ANO3: variants seen among roughly 807,000 people sequenced by gnomAD.
ANO3 encodes anoctamin-3.
ANO3 carries 99 observed loss-of-function variants against 144.8 expected under a neutral mutation model. The observed-to-expected ratio is 0.68, with a 90% CI of 0.58 to 0.81. ANO3 has a LOEUF of 0.81. Among genes scored for constraint, ANO3 ranks in the 30% least tolerant of loss-of-function variants. The pLI is 0.00. For missense variants in ANO3, 905 were observed against 1,202.2 expected (o/e 0.75, Z 3.66); for synonymous variants, 414 against 392.6 (o/e 1.05, Z -0.64).
At chr11:26,422,280 T>A (rs1857774787) in intron 1 of ANO3, among the ~76,000 whole-genome samples, 1 of 151,946 alleles carries the variant, frequency 6.6e-6, no homozygotes, top group South Asian at 2.1e-4. Context: ...CTCTTTGAAG[T>A]TTTCTAAGGA....
intron 1 of ANO3, among the ~76,000 whole-genome samples, chr11:26,403,996 T>A (rs991771669): frequency 1.3e-5 from 2 of 151,846 alleles, no homozygotes; most frequent in African/African-American, 4.8e-5. Context: ...GTACCATTCA[T>A]TATTCTTTGG....
intron 1 of ANO3, among the ~76,000 whole-genome samples, chr11:26,252,983 C>A (rs181303154): frequency 6.6e-6 from 1 of 152,044 alleles, no homozygotes; most frequent in Non-Finnish European, 1.5e-5. Context: ...AATTGAAAGC[C>A]AAATCACACA....
intron 5 of ANO3, among the ~76,000 whole-genome samples, chr11:26,516,081 G>A (rs895625801): frequency 2.4e-4 from 36 of 151,718 alleles, no homozygotes; most frequent in African/African-American, 8.2e-4. Context: ...ATTCAAAAGG[G>A]TATCAGATTC....
chr11:26,377,916 T>C (rs754684778), intron 1 of ANO3, among the ~76,000 whole-genome samples: 2 of 152,130 alleles, frequency 1.3e-5, no homozygotes, highest in Non-Finnish European at 2.9e-5. Flanking sequence ...ATTGCATACT[T>C]TGTGAAACAG....
intron 6 of ANO3, among the ~76,000 whole-genome samples, chr11:26,517,736 C>T (rs1233079988): frequency 6.6e-6 from 1 of 151,972 alleles, no homozygotes; most frequent in East Asian, 1.9e-4. Context: ...GGAGAAATTT[C>T]TCAGACCTGC....
At chr11:26,373,265 C>G (rs146909937) in intron 1 of ANO3, among the ~76,000 whole-genome samples, 14 of 152,168 alleles carry the variant, frequency 9.2e-5, no homozygotes, top group African/African-American at 2.9e-4. Context: ...AGGGAGGAAC[C>G]CTGTGGGAGG....
At chr11:26,301,300 TGCCTATTTATA>T (rs780782992) in intron 1 of ANO3, among the ~76,000 whole-genome samples, 14 of 152,232 alleles carry the variant, frequency 9.2e-5, no homozygotes, top group Non-Finnish European at 1.3e-4. Context: ...ATTCTGACAT[TGCCTATTTATA>T]GCCTTGGTTA....
chr11:26,547,040 C>T (rs1849807035), intron 11 of ANO3, among the ~76,000 whole-genome samples: 1 of 151,600 alleles, frequency 6.6e-6, no homozygotes, highest in South Asian at 2.1e-4. Context: ...CTCTCAGCAC[C>T]CACCCAGAGG....
intron 14 of ANO3, among the ~76,000 whole-genome samples, chr11:26,582,654 A>C (rs1291478438): frequency 6.6e-6 from 1 of 152,212 alleles, no homozygotes; most frequent in Non-Finnish European, 1.5e-5. Context: ...TTGGATAGAA[A>C]TACTCAAATT....
intron 14 of ANO3, among the ~76,000 whole-genome samples, chr11:26,575,245 A>T (rs1348568598): frequency 1.3e-5 from 2 of 151,964 alleles, no homozygotes; most frequent in African/African-American, 4.8e-5. Context: ...TATTCATTAA[A>T]ATTTAAAATT....
chr11:26,522,777 A>G (rs1862133086), intron 6 of ANO3, among the ~76,000 whole-genome samples: 1 of 152,224 alleles, frequency 6.6e-6, no homozygotes, highest in African/African-American at 2.4e-5. Flanking sequence ...GAAAAGGAAG[A>G]AAACCATTTC....
intron 1 of ANO3, among the ~76,000 whole-genome samples, chr11:26,284,508 A>C (rs1853755363): frequency 6.6e-6 from 1 of 152,180 alleles, no homozygotes; most frequent in African/African-American, 2.4e-5. Context: ...ATGTATATGA[A>C]ATCAGAGAAT....
intron 4 of ANO3, among the ~76,000 whole-genome samples, chr11:26,480,729 A>T (rs1590399534): frequency 6.6e-6 from 1 of 152,094 alleles, no homozygotes; most frequent in Admixed American, 6.5e-5. Context: ...CATCAATTGA[A>T]CCCAGGAGGT....
At chr11:26,258,092 A>G (rs1277448417) in intron 1 of ANO3, among the ~76,000 whole-genome samples, 1 of 152,120 alleles carries the variant, frequency 6.6e-6, no homozygotes, top group East Asian at 1.9e-4. Flanking sequence ...ATAACACAAT[A>G]TTTTCAAGGA....
At chr11:26,428,241 A>C (rs1857976608) in intron 1 of ANO3, among the ~76,000 whole-genome samples, 1 of 152,214 alleles carries the variant, frequency 6.6e-6, no homozygotes, top group Non-Finnish European at 1.5e-5. Context: ...CAGAATTAAC[A>C]CTTAACAAGA....
rs1853722376 is a variant in ANO3 at position 26,283,321 on chromosome 11, A to AT, written c.155-26324_155-26323insT. Among the ~76,000 whole-genome samples the AT allele has an allele frequency of 6.2e-3, 301 of 48,884 alleles. 3 individuals are homozygous for AT. Among genetic ancestry groups the AT allele is most frequent in the Non-Finnish European group, 9.4e-3 (230 of 24,564 alleles). 32.1% of individuals were successfully genotyped at this position (48,884 alleles called of 152,430 possible). ...TCTTACCAAAATAAACAAATAAATA[A>AT]ATATATATATATATATATATATATA... On this transcript the variant is annotated intron_variant, in intron 1 of 27. Transcript: ENST00000672621.
At chr11:26,275,135 C>T (rs1055398605) in intron 1 of ANO3, among the ~76,000 whole-genome samples, 1 of 151,792 alleles carries the variant, frequency 6.6e-6, no homozygotes, top group Non-Finnish European at 1.5e-5. Flanking sequence ...GTTTTTATTG[C>T]TTTATTCACA....
In ANO3 at chr11:26,353,780, G is replaced by A. The variant is rs534362712; in HGVS notation, c.46+21459G>A. 2.0e-5 allele frequency among the ~76,000 whole-genome samples: 3 copies of A among 152,264 alleles called. No homozygotes were observed. The South Asian group carries it at 6.2e-4, about 32-fold the overall frequency. ...AGACAGCGTTTCATCATGTTGGCCAGGATGATCTCGATCTCCTGACCTCGT... is the reference window on the plus strand; with the variant it reads ...AGACAGCGTTTCATCATGTTGGCCAAGATGATCTCGATCTCCTGACCTCGT... On this transcript the variant is annotated intron_variant, in intron 1 of 26. Coordinates refer to ENST00000256737, the MANE Select transcript of ANO3 (RefSeq NM_031418.4).
intron 1 of ANO3, among the ~76,000 whole-genome samples, chr11:26,372,161 C>T (rs990252600): frequency 3.3e-5 from 5 of 152,096 alleles, no homozygotes; most frequent in Non-Finnish European, 7.4e-5. Flanking sequence ...TTTCCCCATG[C>T]TCTTCTTGTG....
Sources: gnomAD v4.1 joint callset for allele counts (sites outside exome capture counted in the v4.1 genomes callset) on GRCh38, gnomAD v4.1.1 for gene constraint, MANE v1.5 for transcripts, NCBI Gene and HGNC (gene_info 2026-07-23, HGNC 2026-07-21) for gene names.